Variants in PTPRD observed in about 807,000 individuals in gnomAD.
PTPRD encodes protein tyrosine phosphatase receptor type D.
PTPRD carries 34 observed loss-of-function variants against 214.5 expected under a neutral mutation model. That is an observed-to-expected ratio of 0.16 (90% confidence interval 0.12 to 0.21). The LOEUF is 0.21. PTPRD is among the 10% of genes least tolerant of loss of function. The probability of loss-of-function intolerance (pLI) is 1.00; values close to 1 mark genes in which losing one functional copy is unlikely to be tolerated. For missense variants in PTPRD, 2,545 were observed against 2,398.7 expected, an observed-to-expected ratio of 1.06 and a Z score of -1.27; for synonymous variants, 1,128 against 845.7, an observed-to-expected ratio of 1.33 and a Z score of -5.79.
At position 9,997,584 on chromosome 9, in the gene PTPRD, T is replaced by C. The variant is rs2154087215; in HGVS notation, c.-472+36134A>G. ...GATTACAGGCGTGAGCCACCGTGCC[T>C]GGCCAACATGCAATTTTAATAAAGG... is the stretch of plus-strand genomic sequence containing the variant. On this transcript the variant is annotated intron_variant, in intron 4 of 45. Transcript: ENST00000381196. Among the ~76,000 whole-genome samples, 4 of 152,290 alleles carry C rather than the reference T, an allele frequency of 2.6e-5. 1 individual carries two copies. The highest frequency in any genetic ancestry group is 2.6e-4 in the Admixed American group (4 of 15,292).
chr9:10,359,578 T>G (rs1295439606), intron 2 of PTPRD, among the ~76,000 whole-genome samples: 4 of 152,120 alleles, frequency 2.6e-5, no homozygotes, highest in African/African-American at 7.2e-5. Flanking sequence ...TTTCTTTATT[T>G]CTGAAAGCAA....
chr9:8,760,345 A>G (rs1215168803), intron 11 of PTPRD, among the ~76,000 whole-genome samples: 1 of 152,116 alleles, frequency 6.6e-6, no homozygotes, highest in Non-Finnish European at 1.5e-5. Flanking sequence ...TGAGATCAAT[A>G]TTCATGTTTG....
intron 14 of PTPRD, among the ~76,000 whole-genome samples, chr9:8,540,538 A>C (rs191790146): frequency 1.3e-5 from 2 of 152,312 alleles, no homozygotes; most frequent in Admixed American, 1.3e-4. Flanking sequence ...ATGCACGTTT[A>C]TTATTTTTAT....
intron 7 of PTPRD, among the ~76,000 whole-genome samples, chr9:9,637,959 T>C (rs2095824646): frequency 6.6e-6 from 1 of 152,162 alleles, no homozygotes; most frequent in Non-Finnish European, 1.5e-5. Context: ...ATCACCAAGG[T>C]TACAGCTCAT....
chr9:9,682,204 C>T (rs1177076619), intron 7 of PTPRD, among the ~76,000 whole-genome samples: 2 of 151,854 alleles, frequency 1.3e-5, no homozygotes, highest in African/African-American at 2.4e-5. Flanking sequence ...TCTGCACTAG[C>T]TTGAAGCAAC....
intron 10 of PTPRD, among the ~76,000 whole-genome samples, chr9:9,094,564 G>A (rs2099780814): frequency 6.6e-6 from 1 of 152,026 alleles, no homozygotes; most frequent in Non-Finnish European, 1.5e-5. Context: ...ACTACATAGT[G>A]GGTACAGTGT....
chr9:10,452,296 A>T (rs1411032004), intron 2 of PTPRD, among the ~76,000 whole-genome samples: 2 of 151,894 alleles, frequency 1.3e-5, no homozygotes, highest in Non-Finnish European at 3.0e-5. Flanking sequence ...GGGTACAGAC[A>T]TATTTTTAAG....
chr9:10,346,748 T>G (rs2097091309), intron 2 of PTPRD, among the ~76,000 whole-genome samples: 1 of 152,170 alleles, frequency 6.6e-6, no homozygotes. Context: ...TGTACTTGTG[T>G]TACATTTACT....
chr9:10,317,297 G>T (rs1596953633), intron 3 of PTPRD, among the ~76,000 whole-genome samples: 1 of 151,836 alleles, frequency 6.6e-6, no homozygotes, highest in African/African-American at 2.4e-5. Context: ...AAGTAGATTT[G>T]AATAAGTTTC....
At chr9:10,140,022 C>A (rs1377730555) in intron 3 of PTPRD, among the ~76,000 whole-genome samples, 1 of 151,860 alleles carries the variant, frequency 6.6e-6, no homozygotes, top group Non-Finnish European at 1.5e-5. Context: ...GCAACAAAAA[C>A]AAAAATTAAC....
chr9:9,890,357 G>A (rs929433512), intron 5 of PTPRD, among the ~76,000 whole-genome samples: 5 of 151,664 alleles, frequency 3.3e-5, no homozygotes, highest in Non-Finnish European at 7.4e-5. Flanking sequence ...CTCCACGCCT[G>A]GCTATTTTTT....
intron 12 of PTPRD, among the ~76,000 whole-genome samples, chr9:8,661,234 G>A (rs892526076): frequency 6.6e-6 from 1 of 152,040 alleles, no homozygotes; most frequent in African/African-American, 2.4e-5. Flanking sequence ...TATTATAATG[G>A]TCAGAGAAAA....
intron 36 of PTPRD, among the ~76,000 whole-genome samples, chr9:8,393,616 T>C (rs1230818160): frequency 6.6e-6 from 1 of 152,160 alleles, no homozygotes. Context: ...AGACTGGTTC[T>C]TTCCTAGGAG....
intron 14 of PTPRD, among the ~76,000 whole-genome samples, chr9:8,557,431 AATACATATATAT>A (rs979105089): frequency 8.1e-5 from 9 of 111,752 alleles, no homozygotes; most frequent in African/African-American, 6.9e-4. Flanking sequence ...TTCATTTGTA[AATACATATATAT>A]ATATATATAT....
At chr9:10,082,412 A>G (rs914613617) in intron 3 of PTPRD, among the ~76,000 whole-genome samples, 1 of 152,082 alleles carries the variant, frequency 6.6e-6, no homozygotes, top group Non-Finnish European at 1.5e-5. Context: ...TGACATTGAC[A>G]AGGCGTGTGC....
intron 9 of PTPRD, among the ~76,000 whole-genome samples, chr9:9,201,572 T>G (rs1363558807): frequency 6.6e-6 from 1 of 152,162 alleles, no homozygotes; most frequent in African/African-American, 2.4e-5. Flanking sequence ...AAAAAAACAT[T>G]GATTTCCTAT....
At position 9,937,457 on chromosome 9, in the gene PTPRD, C is replaced by G. The variant is rs571294201; in HGVS notation, c.-368+1050G>C. Among the ~76,000 whole-genome samples the G allele has an allele frequency of 2.0e-5, 3 of 150,196 alleles. No homozygotes were observed. In the East Asian group the frequency reaches 5.8e-4, roughly 29 times the overall value. On this transcript the variant is annotated intron_variant, in intron 5 of 45. Transcript: ENST00000381196. The stretch of plus-strand genomic sequence containing the variant: ...AAAAAAATAGTTCCATAGAATTTTA[C>G]TATTAGAAAAAATATTTTATAAATT...
Position 8,314,676 on chromosome 9 carries a change from A to T in PTPRD, c.*3198T>A, listed in dbSNP as rs1044654073. The stretch of plus-strand genomic sequence containing the variant: ...GGGAATTAAAAATAAAAGGACTTAA[A>T]GCAAAACCGAAAATAAACAGGAAAG... On this transcript the variant is annotated 3_prime_UTR_variant, in exon 46 of 46. Coordinates refer to ENST00000381196, the MANE Select transcript of PTPRD (RefSeq NM_002839.4). 1 of 232,258 alleles carries T rather than the reference A, an allele frequency of 4.3e-6. No individual in the cohort carries two copies. The highest frequency in any genetic ancestry group is 8.5e-6 in the Non-Finnish European group (1 of 117,328). The allele number at this position is 232,258 out of a possible 1,614,324, so 14.4% of individuals were successfully genotyped here.
intron 10 of PTPRD, chr9:9,090,964 T>C (rs1334091713): frequency 2.2e-5 from 35 of 1,578,326 alleles, no homozygotes; most frequent in Non-Finnish European, 2.8e-5. Flanking sequence ...GCCTATTCGC[T>C]GCACTAACTG....
Sources: allele counts gnomAD v4.1 joint callset (sites outside exome capture counted in the v4.1 genomes callset), GRCh38; gene constraint gnomAD v4.1.1; transcripts MANE v1.5; gene names NCBI Gene and HGNC (gene_info 2026-07-23, HGNC 2026-07-21).